CPSF1: variants seen among roughly 807,000 people sequenced by gnomAD.
CPSF1 encodes cleavage and polyadenylation specificity factor subunit 1.
Under a neutral mutation model 175.8 loss-of-function variants are expected in CPSF1, and 106 were observed. That is an observed-to-expected ratio of 0.60 (90% confidence interval 0.52 to 0.71). CPSF1 has a LOEUF of 0.71. Among genes scored for constraint, CPSF1 ranks in the 30% least tolerant of loss-of-function variants. CPSF1 has a pLI of 0.00. For synonymous variants in CPSF1, 1,024 were observed against 858.3 expected (o/e 1.19, Z -3.37); for missense variants, 1,734 against 2,022.9 (o/e 0.86, Z 2.74).
intron 23 of CPSF1, 48 bp downstream of exon 23, chr8:144,397,159 A>G (rs1309073493): frequency 9.5e-6 from 14 of 1,479,564 alleles, no homozygotes; most frequent in Middle Eastern, 2.4e-4. Flanking sequence ...GGGAACGGGC[A>G]GGGCCAGGGG....
chr8:144,394,326 GGT>G (rs1564683509), intron 32 of CPSF1, 26 bp from the exon 33 acceptor site: 8 of 1,585,120 alleles, frequency 5.0e-6, no homozygotes, highest in Non-Finnish European at 6.9e-6. Flanking sequence ...GGGCGTCAGA[GGT>G]GCCTTGGGCG....
chr8:144,400,135 G>GGGGGGGCCCCCC, intron 9 of CPSF1, 31 bp downstream of exon 9: 29 of 895,904 alleles, frequency 3.2e-5, no homozygotes, highest in Non-Finnish European at 4.5e-5. Context: ...CCGTCCCCGG[G>GGGGGGGCCCCCC]CCCCCCCCGC....
At position 144,396,431 on chromosome 8, in the gene CPSF1, T is replaced by A. The variant is rs565783614; in HGVS notation, c.2896A>T (p.Met966Leu). 4 of 1,596,306 alleles carry A rather than the reference T, an allele frequency of 2.5e-6. No homozygotes were observed. In the African/African-American group the frequency reaches 4.0e-5, roughly 16 times the overall value. Residue 966 changes from methionine (M) to leucine (L), a missense_variant, in exon 26 of 38, where the codon ATG becomes TTG. By Grantham distance (15) the Met-to-Leu change is conservative. Around this residue, in one of 10 missense-constraint regions of CPSF1, gnomAD observed 585 missense variants for 584.7 expected, o/e 1.00. Transcript: ENST00000616140. ...TGRGALRLHP[M>L]AIDGPVDSFA... ...GAGTCGACCGGGCCGTCGATGGCCATGGGGTGTAGCCGCAGAGCCCCTCGG... is the reference window on the plus strand; with the variant it reads ...GAGTCGACCGGGCCGTCGATGGCCAAGGGGTGTAGCCGCAGAGCCCCTCGG...
At position 144,397,390 on chromosome 8, in the gene CPSF1, C is replaced by T. The variant is rs1554864357; in HGVS notation, c.2409G>A (p.Arg803=). 1.3e-6 allele frequency: 2 copies of T among 1,570,456 alleles called. No homozygotes were observed. Among genetic ancestry groups the T allele is most frequent in the Non-Finnish European group, 1.7e-6 (2 of 1,157,798 alleles). The change falls in exon 23 of 38, where the codon CGG becomes CGA. Residue 803 remains arginine (R), a synonymous_variant. Transcript: ENST00000616140. ...TMEIYQLPDW[R]LVFLVKNFPV... Reference sequence around the variant, plus strand: ...GGAAGTTCTTCACCAGGAACACCAGCCGCCAGTCGGGAAGCTGGTAGATCT... The same window carrying T: ...GGAAGTTCTTCACCAGGAACACCAGTCGCCAGTCGGGAAGCTGGTAGATCT...
chr8:144,395,627 G>T, intron 26 of CPSF1, 76 bp from the exon 27 acceptor site: 2 of 1,266,276 alleles, frequency 1.6e-6, no homozygotes, highest in Non-Finnish European at 2.2e-6. Flanking sequence ...GCCGCCAAGA[G>T]CCCTGGGATG....
In CPSF1 at chr8:144,401,203, G is replaced by A. The variant is rs2116882681; in HGVS notation, c.387+8C>T. The A allele has an allele frequency of 7.7e-6, 12 of 1,549,240 alleles. No individual in the cohort carries two copies. Among genetic ancestry groups the A allele is most frequent in the East Asian group, 4.9e-5 (2 of 40,926 alleles). ...GGGGCCTGGGCGGGGGCGGGAGCGC[G>A]GCCCTACCCGAAGCTCAGGCTCCTC... On this transcript the variant is annotated splice_region_variant and intron_variant, in intron 5 of 37. Transcript: ENST00000616140.
In CPSF1 at chr8:144,400,383, G is replaced by A. The variant is rs1821121834; in HGVS notation, c.797C>T (p.Thr266Ile). 1.2e-6 allele frequency: 2 copies of A among 1,613,926 alleles called. No individual in the cohort carries two copies. The highest frequency in any genetic ancestry group is 1.7e-6 in the Non-Finnish European group (2 of 1,179,986). ...GGGCTTGGGCACAGCCAGAGCCTGG[G>A]TGCAGTCAAAGGGCAGGCTGGTGAG... ...WSLTSLPFDC[T>I]QALAVPKPIG... Residue 266 changes from threonine to isoleucine, a missense_variant, in exon 8 of 38, where the codon ACC (threonine) becomes ATC (isoleucine). Physicochemically the swap from Thr to Ile is moderately conservative, Grantham distance 89 (BLOSUM62 -1). Transcript: ENST00000616140.
chr8:144,403,404 G>T (rs1366907467), intron 2 of CPSF1, among the ~76,000 whole-genome samples: 2 of 151,506 alleles, frequency 1.3e-5, no homozygotes, highest in Non-Finnish European at 2.9e-5. Flanking sequence ...TTTGTTTTTT[G>T]ACATAGGGCC....
chr8:144,404,627 G>A (rs1322628129), intron 2 of CPSF1, among the ~76,000 whole-genome samples: 12 of 151,252 alleles, frequency 7.9e-5, no homozygotes, highest in Non-Finnish European at 1.6e-4. Flanking sequence ...ACCTCGGCCT[G>A]CCAAAGTGCT....
Position 144,398,816 on chromosome 8 carries a change from T to A in CPSF1, c.1601A>T (p.Asp534Val), listed in dbSNP as rs1356660314. ...VTTFELPGCY[D>V]MWTVIAPVRK... ...CACCGGGGCGATGACTGTCCACATGTCATAGCAGCCGGGAAGCTCAAAGGT... is the reference window on the plus strand; with the variant it reads ...CACCGGGGCGATGACTGTCCACATGACATAGCAGCCGGGAAGCTCAAAGGT... The change falls in exon 17 of 38, where the codon GAC (aspartate) becomes GTC (valine). Residue 534 changes from aspartate (D) to valine (V), a missense_variant. By Grantham distance (152) the Asp-to-Val change is radical. Around this residue, in one of 10 missense-constraint regions of CPSF1, gnomAD observed 280 missense variants for 349.2 expected, o/e 0.80. Transcript: ENST00000616140. The A allele has an allele frequency of 5.0e-6, 8 of 1,608,286 alleles. No individual in the cohort carries two copies. The highest frequency in any genetic ancestry group is 1.3e-5 in the African/African-American group (1 of 74,794).
In CPSF1 at chr8:144,395,476, G is replaced by A. The variant is rs782785338; in HGVS notation, c.3055C>T (p.Arg1019Cys). 7.4e-6 allele frequency: 12 copies of A among 1,612,922 alleles called. No individual in the cohort carries two copies. The highest frequency in any genetic ancestry group is 2.2e-5 in the East Asian group (1 of 44,884). Residue 1019 changes from arginine (R) to cysteine (C), a missense_variant, in exon 27 of 38, where the codon CGC becomes TGC. Coordinates refer to ENST00000616140, the MANE Select transcript of CPSF1 (RefSeq NM_013291.3). ...TAAGCCACATAGTGGGCCGTGCAGC[G>A]CAGCGGGATCTTCCTGACAGGCCAT... is the stretch of plus-strand genomic sequence containing the variant. The part of the protein sequence containing the change: ...APWPVRKIPL[R>C]CTAHYVAYHV...
In CPSF1 at chr8:144,395,152, G is replaced by A; in HGVS notation, c.3218C>T (p.Ala1073Val). The change falls in exon 29 of 38, where the codon GCC becomes GTC. Residue 1073 changes from alanine to valine, a missense_variant. This residue lies in a region of CPSF1 where 585 missense variants were observed against 584.7 expected (regional missense o/e 1.00). Transcript: ENST00000616140. Reference protein sequence around the residue: ...DERYIHPQQEAFSIQLISPVS... With the variant: ...DERYIHPQQEVFSIQLISPVS... ...CGGGGAGATGAGCTGGATGGAGAAG[G>A]CCTCCTGCTGGGGGTGGATGTACCG... The A allele has an allele frequency of 6.2e-7, 1 of 1,612,688 alleles. No homozygotes were observed. Among genetic ancestry groups the A allele is most frequent in the Non-Finnish European group, 8.5e-7 (1 of 1,179,616 alleles).
Position 144,394,911 on chromosome 8 carries a change from G to A in CPSF1, c.3385C>T (p.Gln1129Ter). Residue 1129 changes from glutamine to a stop codon, truncating the protein, a stop_gained, in exon 30 of 38, where the codon CAG (glutamine) becomes TAG (stop). Transcript: ENST00000616140. LOFTEE classifies it high-confidence loss of function. ...CCTCGGCACGTGACCTCCTCCCCCT[G>A]CATGAGGCAGGTCCCGGCGGCCACG... ...GYVAAGTCLM[Q>*]GEEVTCRGRI... The A allele has an allele frequency of 1.2e-6, 2 of 1,612,478 alleles. No individual in the cohort carries two copies.
In CPSF1 at chr8:144,394,260, A is replaced by G. The variant is rs782782901; in HGVS notation, c.3785T>C (p.Val1262Ala). The G allele has an allele frequency of 6.2e-7, 1 of 1,604,654 alleles. No individual in the cohort carries two copies. Among genetic ancestry groups the G allele is most frequent in the South Asian group, 1.1e-5 (1 of 90,208 alleles). The change falls in exon 33 of 38, where the codon GTG becomes GCG. Residue 1262 changes from valine (V) to alanine (A), a missense_variant. Val to Ala is a moderately conservative substitution (Grantham distance 64). Coordinates refer to ENST00000616140, the MANE Select transcript of CPSF1 (RefSeq NM_013291.3). Reference sequence around the variant, plus strand: ...CAGAAAACCCAGCTGGGCATTGTCCACCATGAAGTCCACGCTGTACACCTC... The same window carrying G: ...CAGAAAACCCAGCTGGGCATTGTCCGCCATGAAGTCCACGCTGTACACCTC... ...PLEVYSVDFM[V>A]DNAQLGFLVS...
rs552143975 is a variant in CPSF1 at position 144,395,204 on chromosome 8, G to A, written c.3188-22C>T. 1.9e-6 allele frequency: 3 copies of A among 1,612,788 alleles called. No individual in the cohort carries two copies. In the South Asian group the frequency reaches 3.3e-5, roughly 18 times the overall value. On this transcript the variant is annotated intron_variant, in intron 28 of 37. Coordinates refer to ENST00000616140, the MANE Select transcript of CPSF1 (RefSeq NM_013291.3). Reference sequence around the variant, plus strand: ...TCATCTGTGGGGACCAAGGGTGACAGTCAGAGTAGGGCTTCCCCAAGATGC... The same window carrying A: ...TCATCTGTGGGGACCAAGGGTGACAATCAGAGTAGGGCTTCCCCAAGATGC...
In CPSF1 at chr8:144,400,871, G is replaced by C. The variant is rs2116879350; in HGVS notation, c.539+53C>G. 6 of 1,606,050 alleles carry C rather than the reference G, an allele frequency of 3.7e-6. No individual in the cohort carries two copies. The African/African-American group carries it at 8.0e-5, about 21-fold the overall frequency. On this transcript the variant is annotated intron_variant, in intron 6 of 37. Coordinates refer to ENST00000616140, the MANE Select transcript of CPSF1 (RefSeq NM_013291.3). ...GGAGGGGAGGCGGGGAGGGGAGCTC[G>C]GGCTCTGGCGCCTCCCACCCCAGCA... is the stretch of plus-strand genomic sequence containing the variant.
In CPSF1 at chr8:144,395,306, C is replaced by T. The variant is rs782809828; in HGVS notation, c.3146G>A (p.Arg1049His). 3.7e-6 allele frequency: 6 copies of T among 1,613,206 alleles called. No individual in the cohort carries two copies. Among genetic ancestry groups the T allele is most frequent in the South Asian group, 1.1e-5 (1 of 91,058 alleles). ...AAACTCCTTCTCCTCGCCAGTCATG[C>T]GTGGGATGCGGGCACACGGCGTGTT... is the stretch of plus-strand genomic sequence containing the variant. ...STNTPCARIPRMTGEEKEFET... is the reference protein window; with the variant it reads ...STNTPCARIPHMTGEEKEFET... Residue 1049 changes from arginine (R) to histidine (H), a missense_variant, in exon 28 of 38, where the codon CGC becomes CAC. Around this residue, in one of 10 missense-constraint regions of CPSF1, gnomAD observed 585 missense variants for 584.7 expected, o/e 1.00. Transcript: ENST00000616140.
In CPSF1 at chr8:144,397,189, C is replaced by T. The variant is rs1554864204; in HGVS notation, c.2592+18G>A. The stretch of plus-strand genomic sequence containing the variant: ...CAGGGGGAAGATGGGAAGGGGAGGC[C>T]AGGCCAGGCGCACTCACCAGCAGGT... On this transcript the variant is annotated intron_variant, in intron 23 of 37. Transcript: ENST00000616140. 5 of 1,523,282 alleles carry T rather than the reference C, an allele frequency of 3.3e-6. No individual in the cohort carries two copies. Among genetic ancestry groups the T allele is most frequent in the South Asian group, 1.2e-5 (1 of 83,388 alleles). The allele number at this position is 1,523,282 out of a possible 1,614,324, so 94.4% of individuals were successfully genotyped here.
At position 144,394,917 on chromosome 8, in the gene CPSF1, G is replaced by A; in HGVS notation, c.3379C>T (p.Leu1127Phe). Residue 1127 changes from leucine to phenylalanine, a missense_variant, in exon 30 of 38, where the codon CTC becomes TTC. Leu to Phe is a conservative substitution (Grantham distance 22, BLOSUM62 0). Transcript: ENST00000616140. Reference sequence around the variant, plus strand: ...CACGTGACCTCCTCCCCCTGCATGAGGCAGGTCCCGGCGGCCACGTAGCCT... The same window carrying A: ...CACGTGACCTCCTCCCCCTGCATGAAGCAGGTCCCGGCGGCCACGTAGCCT... Reference protein sequence around the residue: ...LKGYVAAGTCLMQGEEVTCRG... With the variant: ...LKGYVAAGTCFMQGEEVTCRG... 6.2e-7 allele frequency: 1 copy of A among 1,612,690 alleles called. No homozygotes were observed. The highest frequency in any genetic ancestry group is 8.5e-7 in the Non-Finnish European group (1 of 1,179,862).
Sources: allele counts gnomAD v4.1 joint callset (sites outside exome capture counted in the v4.1 genomes callset), GRCh38; gene constraint gnomAD v4.1.1; regional missense constraint gnomAD v4.1.1; transcripts MANE v1.5; gene names NCBI Gene and HGNC (gene_info 2026-07-23, HGNC 2026-07-21).